The following FUT9 variants were observed in gnomAD, a reference collection of about 807,000 sequenced individuals.
The protein encoded by FUT9 is fucosyltransferase 9, also known as 4-galactosyl-N-acetylglucosaminide 3-alpha-L-fucosyltransferase 9.
Under a neutral mutation model 29.7 loss-of-function variants are expected in FUT9, and 15 were observed. The ratio of observed to expected loss-of-function variants is 0.51; its 90% CI spans 0.34 to 0.78. The LOEUF is 0.78. FUT9 is among the 30% of genes least tolerant of loss of function. The pLI, the probability that FUT9 is intolerant of heterozygous loss-of-function variation, is 0.01. For synonymous variants in FUT9, 169 were observed against 153.7 expected (o/e 1.10, Z -0.74); for missense variants, 319 against 425.4 (o/e 0.75, Z 2.20).
intron 2 of FUT9, among the ~76,000 whole-genome samples, chr6:96,165,840 T>C (rs1773006121): frequency 6.6e-6 from 1 of 152,148 alleles, no homozygotes; most frequent in South Asian, 2.1e-4. Context: ...GGTCTTGGAC[T>C]CTTGACCTCA....
chr6:96,126,383 A>G (rs1772134042), intron 2 of FUT9, among the ~76,000 whole-genome samples: 1 of 152,146 alleles, frequency 6.6e-6, no homozygotes, highest in Non-Finnish European at 1.5e-5. Flanking sequence ...GCAAGAAGTC[A>G]CACATTACTG....
intron 1 of FUT9, among the ~76,000 whole-genome samples, chr6:96,032,631 C>T (rs1411247663): frequency 6.6e-6 from 1 of 151,320 alleles, no homozygotes; most frequent in Non-Finnish European, 1.5e-5. Context: ...TTAAGAATAC[C>T]TGCAGTAGGG....
At chr6:96,201,366 C>A (rs535453074) in intron 2 of FUT9, among the ~76,000 whole-genome samples, 1 of 152,004 alleles carries the variant, frequency 6.6e-6, no homozygotes, top group South Asian at 2.1e-4. Context: ...TTTGGTATTA[C>A]ATTTGAATTT....
intron 1 of FUT9, among the ~76,000 whole-genome samples, chr6:96,074,774 TTTAA>T (rs1274390524): frequency 1.3e-5 from 2 of 152,066 alleles, no homozygotes; most frequent in East Asian, 3.9e-4. Context: ...TTAGTTTTAA[TTTAA>T]TTATTGTTTT....
chr6:96,050,647 A>G (rs1770649191), intron 1 of FUT9, among the ~76,000 whole-genome samples: 1 of 152,248 alleles, frequency 6.6e-6, no homozygotes, highest in African/African-American at 2.4e-5. Context: ...AATAGTTTAC[A>G]TACCACACTT....
intron 2 of FUT9, among the ~76,000 whole-genome samples, chr6:96,183,517 TTCCAG>T (rs1472074404): frequency 1.3e-5 from 2 of 152,110 alleles, no homozygotes; most frequent in Non-Finnish European, 2.9e-5. Context: ...CCTTGTCTTG[TTCCAG>T]TTCTCAGAGG....
intron 1 of FUT9, among the ~76,000 whole-genome samples, chr6:96,084,576 C>G (rs764600296): frequency 6.6e-6 from 1 of 151,932 alleles, no homozygotes; most frequent in Non-Finnish European, 1.5e-5. Flanking sequence ...ACTGACTGTG[C>G]GAATACTCAG....
At chr6:96,111,167 G>A (rs1341629605) in intron 1 of FUT9, among the ~76,000 whole-genome samples, 1 of 152,088 alleles carries the variant, frequency 6.6e-6, no homozygotes, top group Admixed American at 6.5e-5. Context: ...TGATATAGAG[G>A]AAGAAACTGA....
chr6:96,165,550 C>A (rs1391240102), intron 2 of FUT9, among the ~76,000 whole-genome samples: 1 of 150,334 alleles, frequency 6.7e-6, no homozygotes, highest in Non-Finnish European at 1.5e-5. Context: ...CAACCCAATG[C>A]AAAGACCTTT....
At chr6:96,148,551 T>G (rs1772615872) in intron 2 of FUT9, among the ~76,000 whole-genome samples, 1 of 152,164 alleles carries the variant, frequency 6.6e-6, no homozygotes, top group African/African-American at 2.4e-5. Context: ...CCTGAGTTCT[T>G]GATACTTTCA....
At chr6:96,149,486 C>A (rs551480849) in intron 2 of FUT9, among the ~76,000 whole-genome samples, 1 of 152,222 alleles carries the variant, frequency 6.6e-6, no homozygotes, top group African/African-American at 2.4e-5. Context: ...TCAGTATAAC[C>A]CTTCTAGAGA....
At chr6:96,072,772 C>G (rs1157626327) in intron 1 of FUT9, among the ~76,000 whole-genome samples, 1 of 152,104 alleles carries the variant, frequency 6.6e-6, no homozygotes, top group African/African-American at 2.4e-5. Context: ...AACTGAAGTA[C>G]TTTGATGTTA....
At chr6:96,100,456 G>C (rs62419391) in intron 1 of FUT9, among the ~76,000 whole-genome samples, 213 of 152,292 alleles carry the variant, frequency 1.4e-3, no homozygotes, top group Non-Finnish European at 2.5e-3. Context: ...TGGGAGTACA[G>C]AGGATTTAAA....
At chr6:96,124,308 C>A (rs907794916) in intron 2 of FUT9, among the ~76,000 whole-genome samples, 3 of 151,378 alleles carry the variant, frequency 2.0e-5, no homozygotes, top group African/African-American at 7.3e-5. Flanking sequence ...CCTGCCACCA[C>A]GACCGGCTAA....
chr6:96,100,076 A>G (rs1400738076), intron 1 of FUT9, among the ~76,000 whole-genome samples: 1 of 152,168 alleles, frequency 6.6e-6, no homozygotes, highest in Non-Finnish European at 1.5e-5. Context: ...TTTACATGGA[A>G]AATAACATAC....
At chr6:96,134,245 C>A (rs1772304736) in intron 2 of FUT9, among the ~76,000 whole-genome samples, 1 of 151,684 alleles carries the variant, frequency 6.6e-6, no homozygotes, top group Admixed American at 6.6e-5. Flanking sequence ...TTGCTGTGCA[C>A]ATATACAGCT....
At chr6:96,022,972 A>G (rs1295448728) in intron 1 of FUT9, among the ~76,000 whole-genome samples, 1 of 151,934 alleles carries the variant, frequency 6.6e-6, no homozygotes, top group African/African-American at 2.4e-5. Flanking sequence ...TAGAAAAATC[A>G]TTAGTCACAG....
intron 2 of FUT9, among the ~76,000 whole-genome samples, chr6:96,155,357 G>C (rs1313486505): frequency 6.6e-6 from 1 of 152,098 alleles, no homozygotes; most frequent in Non-Finnish European, 1.5e-5. Flanking sequence ...TCTCCAGTAT[G>C]TTTTTGGAGA....
chr6:96,207,340 T>C lies in FUT9; in HGVS notation c.*3105T>C, dbSNP rs1455949275. On this transcript the variant is annotated 3_prime_UTR_variant, in exon 3 of 3. Coordinates refer to ENST00000302103, the MANE Select transcript of FUT9 (RefSeq NM_006581.4). ...CTTTTCAATCGCATTCATAACTTAT[T>C]ATAGAATTATGTCTCAATTTTTACA... The C allele has an allele frequency of 1.2e-5, 2 of 167,060 alleles. No individual in the cohort carries two copies. Among genetic ancestry groups the C allele is most frequent in the African/African-American group, 4.8e-5 (2 of 41,442 alleles). 10.3% of individuals were successfully genotyped at this position (167,060 alleles called of 1,614,324 possible).
Sources: gnomAD v4.1 joint callset for allele counts (sites outside exome capture counted in the v4.1 genomes callset) on GRCh38, gnomAD v4.1.1 for gene constraint, MANE v1.5 for transcripts, NCBI Gene and HGNC (gene_info 2026-07-23, HGNC 2026-07-21) for gene names.